IST1: variants seen among roughly 807,000 people sequenced by gnomAD.
IST1 encodes the protein IST1 homolog.
Under a neutral mutation model 37.0 loss-of-function variants are expected in IST1, and 23 were observed. The observed-to-expected ratio is 0.62, with a 90% confidence interval of 0.45 to 0.88. The LOEUF is 0.88. Ranked by LOEUF, IST1 falls within the 40% of genes least tolerant of loss-of-function variation. The pLI is 0.00. For synonymous variants in IST1, 180 were observed against 161.7 expected, an observed-to-expected ratio of 1.11 and a Z score of -0.86; for missense variants, 488 against 445.4, an observed-to-expected ratio of 1.10 and a Z score of -0.86.
intron 7 of IST1, chr16:71,922,981 C>T (rs1002849017): frequency 2.1e-6 from 1 of 486,474 alleles, no homozygotes; most frequent in African/African-American, 2.0e-5. Context: ...AATAAACCAC[C>T]AATTATTACC....
At chr16:71,920,369 G>C (rs570720992) in intron 4 of IST1, among the ~76,000 whole-genome samples, 2 of 152,160 alleles carry the variant, frequency 1.3e-5, no homozygotes, top group South Asian at 4.1e-4. Flanking sequence ...AAGGAAGTTA[G>C]TCTTTTAAAA....
Position 71,930,418 on chromosome 16 carries a change from CAG to C in IST1, c.*2606_*2607del, listed in dbSNP as rs1385519365. 2 of 349,614 alleles carry C rather than the reference CAG, an allele frequency of 5.7e-6. No individual in the cohort carries two copies. The highest frequency in any genetic ancestry group is 8.9e-5 in the East Asian group (2 of 22,504). The allele number at this position is 349,614 out of a possible 1,614,324, so 21.7% of individuals were successfully genotyped here. A position where few individuals can be genotyped will look rare whatever the true frequency, so the allele number is the denominator to read the frequency against. Reference sequence around the variant, plus strand: ...TGACTGCAGGGCTTTCACAAGAAAACAGGTGAGTTGCAGTGGAATTGGAAATG... The same window carrying C: ...TGACTGCAGGGCTTTCACAAGAAAACGTGAGTTGCAGTGGAATTGGAAATG... On this transcript the variant is annotated 3_prime_UTR_variant, in exon 10 of 10. Coordinates refer to ENST00000378799, the MANE Select transcript of IST1 (RefSeq NM_001270975.2).
chr16:71,927,522 C>G, intron 9 of IST1, 92 bp from the exon 10 acceptor site: 17 of 848,212 alleles, frequency 2.0e-5, no homozygotes, highest in Non-Finnish European at 2.6e-5. Context: ...CTAAGGTTTT[C>G]TCCTGTGTTT....
chr16:71,912,900 C>T (rs1161475443), intron 1 of IST1, among the ~76,000 whole-genome samples: 1 of 152,194 alleles, frequency 6.6e-6, no homozygotes, highest in East Asian at 1.9e-4. Flanking sequence ...CCTCAAATTT[C>T]ATCCATGTTG....
At chr16:71,921,735 A>G (rs1332089032) in intron 6 of IST1, 9 of 329,904 alleles carry the variant, frequency 2.7e-5, no homozygotes, top group Non-Finnish European at 4.0e-5. Context: ...CCTCCTGTTC[A>G]TAGCAAGAAA....
chr16:71,925,720 A>C (rs2037726393), intron 9 of IST1, among the ~76,000 whole-genome samples: 2 of 152,110 alleles, frequency 1.3e-5, no homozygotes, highest in African/African-American at 4.8e-5. Context: ...CACTTTGGGA[A>C]GCTGAGGCAG....
At chr16:71,909,095 C>CTTTTTTTTTTT (rs34086105) in intron 1 of IST1, among the ~76,000 whole-genome samples, 6 of 102,924 alleles carry the variant, frequency 5.8e-5, no homozygotes, top group Admixed American at 1.3e-4. Flanking sequence ...TTTTGTTTGT[C>CTTTTTTTTTTT]TTTTTTTTTT....
chr16:71,924,429 C>G (rs1252287004), intron 8 of IST1: 1 of 426,132 alleles, frequency 2.3e-6, no homozygotes, highest in East Asian at 5.2e-5. Context: ...TGTCTCTACC[C>G]AAAATACAAA....
At chr16:71,915,921 C>T (rs903433773) in intron 2 of IST1, among the ~76,000 whole-genome samples, 193 bp downstream of exon 2, 8 of 150,794 alleles carry the variant, frequency 5.3e-5, no homozygotes, top group African/African-American at 1.7e-4. Flanking sequence ...ACCTCCATCT[C>T]GTGGGTTCAA....
In IST1 at chr16:71,923,365, C is replaced by G. The variant is rs775926850; in HGVS notation, c.837C>G (p.Pro279=). 7 of 1,606,258 alleles carry G rather than the reference C, an allele frequency of 4.4e-6. No individual in the cohort carries two copies. The highest frequency in any genetic ancestry group is 6.0e-6 in the Non-Finnish European group (7 of 1,173,108). The change falls in exon 8 of 10, where the codon CCC becomes CCG. Residue 279 remains proline, a synonymous_variant. Transcript: ENST00000378799. The part of the protein sequence containing the change: ...NIHPPQIPAT[P]PSYESVDDIN... Reference sequence around the variant, plus strand: ...ATCCACCTCAGATACCAGCAACTCCCCCATCGTATGAATCTGTAAGTGCCT... The same window carrying G: ...ATCCACCTCAGATACCAGCAACTCCGCCATCGTATGAATCTGTAAGTGCCT...
intron 1 of IST1, among the ~76,000 whole-genome samples, chr16:71,914,410 T>A (rs2037425853): frequency 6.6e-6 from 1 of 152,094 alleles, no homozygotes; most frequent in Non-Finnish European, 1.5e-5. Context: ...TCTGCCCACC[T>A]CGGCCTCCCA....
rs571286957 is a variant in IST1, at chr16:71,927,868, C to G, written c.*55C>G. 1.6e-5 allele frequency: 19 copies of G among 1,210,768 alleles called. No individual in the cohort carries two copies. The East Asian group carries it at 4.2e-4, about 27-fold the overall frequency. The allele number at this position is 1,210,768 out of a possible 1,614,324, so 75.0% of individuals were successfully genotyped here. A position where few individuals can be genotyped will look rare whatever the true frequency, so the allele number is the denominator to read the frequency against. Reference sequence around the variant, plus strand: ...TGGGAGTTGAGACTGAGCAATTTCTCCTTGTAACAAAGAATCTCCATGAAA... The same window carrying G: ...TGGGAGTTGAGACTGAGCAATTTCTGCTTGTAACAAAGAATCTCCATGAAA... On this transcript the variant is annotated 3_prime_UTR_variant, in exon 10 of 10. Coordinates refer to ENST00000378799, the MANE Select transcript of IST1 (RefSeq NM_001270975.2).
At chr16:71,913,662 G>A (rs1226894911) in intron 1 of IST1, among the ~76,000 whole-genome samples, 9 of 151,804 alleles carry the variant, frequency 5.9e-5, no homozygotes, top group Non-Finnish European at 1.2e-4. Flanking sequence ...CACCACGCCC[G>A]GCTAATTTTT....
At position 71,917,108 on chromosome 16, in the gene IST1, C is replaced by A; in HGVS notation, c.331C>A (p.Gln111Lys). 6.2e-7 allele frequency: 1 copy of A among 1,611,032 alleles called. No individual in the cohort carries two copies. The highest frequency in any genetic ancestry group is 8.5e-7 in the Non-Finnish European group (1 of 1,177,890). Residue 111 changes from glutamine to lysine, a missense_variant, in exon 4 of 10, where the codon CAG becomes AAG. Physicochemically the swap from Gln to Lys is moderately conservative, Grantham distance 53. Transcript: ENST00000378799. ...STLIWAAPRL[Q>K]SEVAELKIVA... is the part of the protein sequence containing the mutation. ...ATTGATCTGGGCTGCTCCTCGACTC[C>A]AGTCAGAAGTGGCTGAGTTGAAAAT...
Position 71,900,748 on chromosome 16 carries a change from T to C in IST1, c.-16+5159T>C, listed in dbSNP as rs191688504. 6.6e-5 allele frequency among the ~76,000 whole-genome samples: 10 copies of C among 152,360 alleles called. No individual in the cohort carries two copies. In the East Asian group the frequency reaches 1.2e-3, roughly 18 times the overall value. Reference sequence around the variant, plus strand: ...TAACCATTTTTTAGAGTTTATGTTATAATTGCTTACTTGTCTTATAGTTGT... The same window carrying C: ...TAACCATTTTTTAGAGTTTATGTTACAATTGCTTACTTGTCTTATAGTTGT... On this transcript the variant is annotated intron_variant, in intron 1 of 9. Coordinates refer to ENST00000378799, the MANE Select transcript of IST1 (RefSeq NM_001270975.2).
At chr16:71,898,008 C>G (rs2037014696) in intron 1 of IST1, among the ~76,000 whole-genome samples, 1 of 152,154 alleles carries the variant, frequency 6.6e-6, no homozygotes, top group South Asian at 2.1e-4. Flanking sequence ...AGGTTTTAGA[C>G]TGTAACAAGA....
chr16:71,899,505 C>A lies in IST1; in HGVS notation c.-16+3916C>A, dbSNP rs2037053687. ...CTCATTGTGTCTGTTTCTACTCTAA[C>A]ATCACATCTTCATAACTGCGATACA... On this transcript the variant is annotated intron_variant, in intron 1 of 9. Coordinates refer to ENST00000378799, the MANE Select transcript of IST1 (RefSeq NM_001270975.2). Among the ~76,000 whole-genome samples, 3 of 152,338 alleles carry A rather than the reference C, an allele frequency of 2.0e-5. No homozygotes were observed. The South Asian group carries it at 6.2e-4, about 32-fold the overall frequency.
chr16:71,922,738 C>G (rs1199033583), intron 7 of IST1, 58 bp downstream of exon 7: 1 of 1,393,536 alleles, frequency 7.2e-7, no homozygotes, highest in African/African-American at 1.4e-5. Context: ...AACAAGTTGG[C>G]TCTGTGAACA....
Position 71,929,499 on chromosome 16 carries a change from T to C in IST1, c.*1686T>C. 1 of 1,512,150 alleles carries C rather than the reference T, an allele frequency of 6.6e-7. No individual in the cohort carries two copies. The highest frequency in any genetic ancestry group is 8.9e-7 in the Non-Finnish European group (1 of 1,127,522). 93.7% of individuals were successfully genotyped at this position (1,512,150 alleles called of 1,614,324 possible). On this transcript the variant is annotated 3_prime_UTR_variant, in exon 10 of 10. Transcript: ENST00000378799. The stretch of plus-strand genomic sequence containing the variant: ...TATGCCATGCAAAGATAAGTAGTAA[T>C]ACGCTAATAAATACTAAGCCAAGTA...
Sources: allele counts gnomAD v4.1 joint callset (sites outside exome capture counted in the v4.1 genomes callset), GRCh38; gene constraint gnomAD v4.1.1; transcripts MANE v1.5; gene names NCBI Gene and HGNC (gene_info 2026-07-23, HGNC 2026-07-21).